NPFFR2: variants seen among roughly 807,000 people sequenced by gnomAD.
NPFFR2 encodes the protein neuropeptide FF receptor 2, also known as G-protein coupled receptor 74.
A neutral mutation model predicts 13.1 loss-of-function variants in NPFFR2; 15 were observed. The ratio of observed to expected loss-of-function variants is 1.15; its 90% CI spans 0.77 to 1.76. The LOEUF is 1.76. NPFFR2 is among the 40% of genes most tolerant of loss of function. The pLI, the probability that NPFFR2 is intolerant of heterozygous loss-of-function variation, is 0.00. For synonymous variants in NPFFR2, 190 were observed against 175.7 expected, an observed-to-expected ratio of 1.08 and a Z score of -0.65; for missense variants, 572 against 503.5, an observed-to-expected ratio of 1.14 and a Z score of -1.30.
At chr4:72,089,341 A>G (rs1314309430) in intron 1 of NPFFR2, among the ~76,000 whole-genome samples, 1 of 152,182 alleles carries the variant, frequency 6.6e-6, no homozygotes, top group Non-Finnish European at 1.5e-5. Context: ...GAAGATACCC[A>G]GTAGTGGGAT....
At chr4:72,132,421 C>T (rs1722274197) in intron 2 of NPFFR2, among the ~76,000 whole-genome samples, 1 of 152,080 alleles carries the variant, frequency 6.6e-6, no homozygotes, top group Non-Finnish European at 1.5e-5. Context: ...AGATTGATTC[C>T]ATGTCTTTGC....
At chr4:72,067,230 T>G (rs1452598271) in intron 1 of NPFFR2, among the ~76,000 whole-genome samples, 1 of 152,066 alleles carries the variant, frequency 6.6e-6, no homozygotes, top group Admixed American at 6.6e-5. Context: ...GTGGCCCGAG[T>G]TCTACCTGGC....
intron 1 of NPFFR2, among the ~76,000 whole-genome samples, chr4:72,058,391 A>G (rs904814244): frequency 1.5e-3 from 44 of 29,446 alleles, no homozygotes; most frequent in African/African-American, 2.5e-3. Flanking sequence ...ATTTCAAAAT[A>G]AAAAGTAAAA....
At chr4:72,140,700 G>A (rs1331109646) in intron 3 of NPFFR2, among the ~76,000 whole-genome samples, 2 of 152,126 alleles carry the variant, frequency 1.3e-5, no homozygotes, top group Non-Finnish European at 2.9e-5. Flanking sequence ...TGTTCATCAG[G>A]GATATTGGTC....
At chr4:72,118,283 T>A (rs1219225382) in intron 1 of NPFFR2, among the ~76,000 whole-genome samples, 1 of 152,214 alleles carries the variant, frequency 6.6e-6, no homozygotes, top group Non-Finnish European at 1.5e-5. Flanking sequence ...CATAAGACTA[T>A]AATAAACCAA....
chr4:72,047,623 A>G (rs1719415368), intron 1 of NPFFR2, among the ~76,000 whole-genome samples: 1 of 152,164 alleles, frequency 6.6e-6, no homozygotes, highest in Admixed American at 6.6e-5. Context: ...TACTTGCTCA[A>G]TGCTTTGTCT....
chr4:72,122,985 A>G (rs552784613), intron 1 of NPFFR2, among the ~76,000 whole-genome samples: 4 of 152,314 alleles, frequency 2.6e-5, no homozygotes, highest in Admixed American at 2.6e-4. Flanking sequence ...TGAAAAGATT[A>G]ACAAAATATG....
chr4:72,056,424 A>G (rs771196789), intron 1 of NPFFR2, among the ~76,000 whole-genome samples: 2 of 152,020 alleles, frequency 1.3e-5, no homozygotes, highest in Non-Finnish European at 2.9e-5. Flanking sequence ...TCAAAACATT[A>G]CTTCTCATTT....
At chr4:72,039,432 G>A in intron 1 of NPFFR2, 1 of 972,688 alleles carries the variant, frequency 1.0e-6, no homozygotes, top group Non-Finnish European at 1.2e-6. Flanking sequence ...TCTTAATTGG[G>A]TTCTATTATG....
chr4:72,073,742 G>T (rs924100124), intron 1 of NPFFR2, among the ~76,000 whole-genome samples: 1 of 151,890 alleles, frequency 6.6e-6, no homozygotes, highest in African/African-American at 2.4e-5. Flanking sequence ...AACTAAAAAA[G>T]GTAGTGCTGA....
At chr4:72,136,235 G>A (rs1222939175) in intron 2 of NPFFR2, among the ~76,000 whole-genome samples, 1 of 152,094 alleles carries the variant, frequency 6.6e-6, no homozygotes, top group African/African-American at 2.4e-5. Context: ...GACTGCACCT[G>A]TATTCCCAGC....
chr4:72,100,060 C>A (rs1032620307), intron 1 of NPFFR2, among the ~76,000 whole-genome samples: 1 of 152,120 alleles, frequency 6.6e-6, no homozygotes, highest in Non-Finnish European at 1.5e-5. Flanking sequence ...TGACTTCTAA[C>A]TTAATATGTG....
At chr4:72,047,236 G>A (rs1719405395) in intron 1 of NPFFR2, among the ~76,000 whole-genome samples, 1 of 151,998 alleles carries the variant, frequency 6.6e-6, no homozygotes, top group Non-Finnish European at 1.5e-5. Context: ...AGTGACAATT[G>A]CCAAAGAGAT....
chr4:72,140,003 T>C (rs1722551349), intron 3 of NPFFR2, among the ~76,000 whole-genome samples: 1 of 152,190 alleles, frequency 6.6e-6, no homozygotes, highest in Non-Finnish European at 1.5e-5. Context: ...CTAGGTATTT[T>C]ATTCTCTTTG....
intron 1 of NPFFR2, among the ~76,000 whole-genome samples, chr4:72,120,698 A>C (rs1721846718): frequency 6.6e-6 from 1 of 152,238 alleles, no homozygotes; most frequent in Non-Finnish European, 1.5e-5. Context: ...ACAAACAGAA[A>C]GGAATAGCAT....
chr4:72,078,353 G>A (rs1006527897), intron 1 of NPFFR2, among the ~76,000 whole-genome samples: 5 of 152,102 alleles, frequency 3.3e-5, no homozygotes, highest in African/African-American at 1.2e-4. Context: ...AAGAAAGAGA[G>A]TGACATATGT....
intron 1 of NPFFR2, among the ~76,000 whole-genome samples, chr4:72,075,116 C>T (rs1720387113): frequency 6.6e-6 from 1 of 151,932 alleles, no homozygotes; most frequent in Non-Finnish European, 1.5e-5. Context: ...GAAGGCAGAC[C>T]CACACTTAAT....
chr4:72,048,620 G>T (rs1372444668), intron 1 of NPFFR2, among the ~76,000 whole-genome samples: 1 of 151,996 alleles, frequency 6.6e-6, no homozygotes, highest in African/African-American at 2.4e-5. Flanking sequence ...ATTACTTGGG[G>T]ATAGCTTCTT....
chr4:72,076,354 A>G (rs548126940), intron 1 of NPFFR2, among the ~76,000 whole-genome samples: 1 of 152,066 alleles, frequency 6.6e-6, no homozygotes, highest in African/African-American at 2.4e-5. Context: ...TTTCATCTAT[A>G]TTATATATAA....
Sources: allele counts gnomAD v4.1 joint callset (sites outside exome capture counted in the v4.1 genomes callset), GRCh38; gene constraint gnomAD v4.1.1; transcripts MANE v1.5; gene names NCBI Gene and HGNC (gene_info 2026-07-23, HGNC 2026-07-21).